NEK7: variants seen among roughly 807,000 people sequenced by gnomAD.
NEK7 encodes the protein NIMA related kinase 7, also known as serine/threonine-protein kinase Nek7.
In NEK7, 18 loss-of-function variants were observed where a neutral mutation model predicts 44.6. That is an observed-to-expected ratio of 0.40 (90% CI 0.28 to 0.60). The LOEUF is 0.60. Among genes scored for constraint, NEK7 ranks in the 20% least tolerant of loss-of-function variants. The pLI, the probability that NEK7 is intolerant of heterozygous loss-of-function variation, is 0.38. For synonymous variants in NEK7, 130 were observed against 121.1 expected (o/e 1.07, Z -0.48); for missense variants, 256 against 366.5 (o/e 0.70, Z 2.46).
At chr1:198,169,972 G>A (rs1341777872) in intron 1 of NEK7, among the ~76,000 whole-genome samples, 2 of 152,146 alleles carry the variant, frequency 1.3e-5, no homozygotes, top group African/African-American at 4.8e-5. Context: ...TTGACAGGAG[G>A]TCTAGGCAGG....
At chr1:198,301,023 T>C (rs1197043688) in intron 9 of NEK7, among the ~76,000 whole-genome samples, 3 of 152,222 alleles carry the variant, frequency 2.0e-5, no homozygotes, top group African/African-American at 7.2e-5. Context: ...GGAGTAGTCA[T>C]CAAAATTATC....
chr1:198,164,284 G>A (rs1340501263), intron 1 of NEK7, among the ~76,000 whole-genome samples: 2 of 152,192 alleles, frequency 1.3e-5, no homozygotes, highest in African/African-American at 4.8e-5. Flanking sequence ...GGGAGTTTCT[G>A]CCTCTTCTGT....
At position 198,321,714 on chromosome 1, in the gene NEK7, A is replaced by T. The variant is rs1655539224; in HGVS notation, c.*2192A>T. 6.6e-6 allele frequency: 1 copy of T among 152,130 alleles called. No homozygotes were observed. The highest frequency in any genetic ancestry group is 2.1e-4 in the South Asian group (1 of 4,832). 9.4% of individuals were successfully genotyped at this position (152,130 alleles called of 1,614,324 possible). ...TAAATGTTCATATTTTTCCTGAAGA[A>T]ACCACTGTGTAAAAATCAAATTTTA... On this transcript the variant is annotated 3_prime_UTR_variant, in exon 10 of 10. Coordinates refer to ENST00000367385, the MANE Select transcript of NEK7 (RefSeq NM_133494.3).
chr1:198,263,212 CTTTTAG>C (rs1350788763), intron 4 of NEK7, among the ~76,000 whole-genome samples: 8 of 151,928 alleles, frequency 5.3e-5, no homozygotes, highest in African/African-American at 1.9e-4. Flanking sequence ...GTATTTTTAA[CTTTTAG>C]TTAAGACTTC....
At chr1:198,158,254 GACTGA>G (rs1663978669) in intron 1 of NEK7, among the ~76,000 whole-genome samples, 3 of 152,176 alleles carry the variant, frequency 2.0e-5, no homozygotes, top group Non-Finnish European at 2.9e-5. Context: ...CAATTCTGGT[GACTGA>G]ACTGAAAATC....
chr1:198,207,561 C>A (rs923975874), intron 1 of NEK7, among the ~76,000 whole-genome samples: 1 of 152,130 alleles, frequency 6.6e-6, no homozygotes, highest in African/African-American at 2.4e-5. Flanking sequence ...CTTGATGAAT[C>A]TGAAATGCAC....
chr1:198,194,378 A>G (rs1434936209), intron 1 of NEK7, among the ~76,000 whole-genome samples: 1 of 148,124 alleles, frequency 6.8e-6, no homozygotes, highest in African/African-American at 2.5e-5. Context: ...TGTTGTATAC[A>G]TTATTTTGTC....
intron 3 of NEK7, among the ~76,000 whole-genome samples, chr1:198,255,951 G>C (rs1558081649): frequency 1.3e-5 from 2 of 152,038 alleles, no homozygotes; most frequent in Non-Finnish European, 2.9e-5. Flanking sequence ...CATCTCTGCA[G>C]CTTAAAATAC....
At chr1:198,180,199 G>C (rs572083523) in intron 1 of NEK7, among the ~76,000 whole-genome samples, 11 of 150,114 alleles carry the variant, frequency 7.3e-5, no homozygotes, top group African/African-American at 2.2e-4. Context: ...TTTTTTTGGT[G>C]GGGGGGTGCT....
At chr1:198,162,115 G>C (rs971800178) in intron 1 of NEK7, among the ~76,000 whole-genome samples, 1 of 152,146 alleles carries the variant, frequency 6.6e-6, no homozygotes, top group African/African-American at 2.4e-5. Flanking sequence ...CCTTTGCTCT[G>C]AAAAGAATTA....
intron 9 of NEK7, among the ~76,000 whole-genome samples, chr1:198,317,090 A>C (rs1655392908): frequency 6.6e-6 from 1 of 152,248 alleles, no homozygotes; most frequent in African/African-American, 2.4e-5. Flanking sequence ...TAATTGAGGA[A>C]AAGTTATCAA....
chr1:198,209,327 G>A (rs529575529), intron 1 of NEK7, among the ~76,000 whole-genome samples: 1 of 151,896 alleles, frequency 6.6e-6, no homozygotes, highest in East Asian at 1.9e-4. Flanking sequence ...GCAAAGTGAT[G>A]TTTTTTATTT....
At chr1:198,310,205 C>A (rs1231341715) in intron 9 of NEK7, among the ~76,000 whole-genome samples, 2 of 152,146 alleles carry the variant, frequency 1.3e-5, no homozygotes, top group African/African-American at 2.4e-5. Context: ...CGATGGTGAG[C>A]ATTTTTTCAT....
chr1:198,315,400 G>A lies in NEK7; in HGVS notation c.799-4012G>A, dbSNP rs369784569. On this transcript the variant is annotated intron_variant, in intron 9 of 9. Transcript: ENST00000367385. ...AATGCAGAAATCACCCGTCTTCTGC[G>A]TCGCTTACGCTGGGAGCTGTAGACT... Among the ~76,000 whole-genome samples, 41 of 152,330 alleles carry A rather than the reference G, an allele frequency of 2.7e-4. 2 individuals are homozygous for A. The South Asian group carries it at 6.0e-3, about 22-fold the overall frequency.
intron 1 of NEK7, among the ~76,000 whole-genome samples, chr1:198,168,673 C>T (rs1664339895): frequency 6.6e-6 from 1 of 152,146 alleles, no homozygotes; most frequent in African/African-American, 2.4e-5. Flanking sequence ...ATTACATTCC[C>T]TTTATAGTTC....
chr1:198,178,639 C>T (rs541430914), intron 1 of NEK7, among the ~76,000 whole-genome samples: 2 of 152,062 alleles, frequency 1.3e-5, no homozygotes, highest in African/African-American at 4.8e-5. Context: ...TTATTTTGCC[C>T]AGTATTTTGC....
intron 1 of NEK7, among the ~76,000 whole-genome samples, chr1:198,181,223 C>G (rs1664757557): frequency 6.6e-6 from 1 of 151,996 alleles, no homozygotes; most frequent in Admixed American, 6.6e-5. Flanking sequence ...TAACTCTAAG[C>G]AGATAAAAAC....
At chr1:198,260,143 G>T (rs1653407775) in intron 3 of NEK7, among the ~76,000 whole-genome samples, 1 of 152,090 alleles carries the variant, frequency 6.6e-6, no homozygotes, top group South Asian at 2.1e-4. Context: ...TCAGGATCAG[G>T]TTATTCATAT....
rs1239885260 is a variant in NEK7 at position 198,277,943 on chromosome 1, T to C, written c.373-18T>C. On this transcript the variant is annotated intron_variant, in intron 5 of 9. Transcript: ENST00000367385. ...GAAATTTTAGTTTTTATAGTTCTTATTTTTAATTTTCAAAAAGCATTTTAA... is the reference window on the plus strand; with the variant it reads ...GAAATTTTAGTTTTTATAGTTCTTACTTTTAATTTTCAAAAAGCATTTTAA... 6 of 1,479,438 alleles carry C rather than the reference T, an allele frequency of 4.1e-6. No homozygotes were observed. Among genetic ancestry groups the C allele is most frequent in the Non-Finnish European group, 5.6e-6 (6 of 1,065,068 alleles). The allele number at this position is 1,479,438 out of a possible 1,614,324, so 91.6% of individuals were successfully genotyped here.
Sources: allele counts gnomAD v4.1 joint callset (sites outside exome capture counted in the v4.1 genomes callset), GRCh38; gene constraint gnomAD v4.1.1; transcripts MANE v1.5; gene names NCBI Gene and HGNC (gene_info 2026-07-23, HGNC 2026-07-21).